Variants in LNPEP observed in about 807,000 individuals in gnomAD.
The protein encoded by LNPEP is leucyl-cystinyl aminopeptidase.
LNPEP carries 64 observed loss-of-function variants against 120.6 expected under a neutral mutation model. The ratio of observed to expected loss-of-function variants is 0.53; its 90% confidence interval spans 0.43 to 0.65. The LOEUF is 0.65. Ranked by LOEUF, LNPEP falls within the 30% of genes least tolerant of loss-of-function variation. The pLI is 0.00. For synonymous variants in LNPEP, 435 were observed against 425.4 expected (o/e 1.02, Z -0.28); for missense variants, 1,057 against 1,200.0 (o/e 0.88, Z 1.76).
chr5:97,011,417 A>C (rs1790924773), intron 11 of LNPEP, among the ~76,000 whole-genome samples: 1 of 152,084 alleles, frequency 6.6e-6, no homozygotes, highest in Non-Finnish European at 1.5e-5. Flanking sequence ...TTTTGTAAAG[A>C]TGATGTCTCA....
At chr5:96,949,766 G>C (rs144873793) in intron 1 of LNPEP, among the ~76,000 whole-genome samples, 3 of 152,164 alleles carry the variant, frequency 2.0e-5, no homozygotes, top group Non-Finnish European at 2.9e-5. Context: ...AATGGTTGGC[G>C]TCTAACATAG....
chr5:96,974,388 C>T (rs1348485328), intron 1 of LNPEP, among the ~76,000 whole-genome samples: 1 of 152,096 alleles, frequency 6.6e-6, no homozygotes, highest in Non-Finnish European at 1.5e-5. Flanking sequence ...AGGGAGAGCA[C>T]CTAGCTCCCA....
intron 1 of LNPEP, among the ~76,000 whole-genome samples, chr5:96,959,370 C>A (rs573243090): frequency 6.6e-6 from 1 of 152,118 alleles, no homozygotes; most frequent in South Asian, 2.1e-4. Flanking sequence ...TGATTTTACT[C>A]TGAAATTTTA....
intron 12 of LNPEP, among the ~76,000 whole-genome samples, chr5:97,014,489 G>A (rs1225209002): frequency 2.6e-5 from 4 of 151,788 alleles, no homozygotes; most frequent in Non-Finnish European, 5.9e-5. Context: ...TGTACTCACT[G>A]TAAATTCACA....
chr5:96,976,342 AT>A (rs1317923450), intron 1 of LNPEP, among the ~76,000 whole-genome samples: 1 of 152,202 alleles, frequency 6.6e-6, no homozygotes, highest in African/African-American at 2.4e-5. Context: ...CGTTGGTATT[AT>A]TCTGACTGGG....
At chr5:97,015,184 G>C in intron 13 of LNPEP, 89 bp downstream of exon 13, 1 of 819,430 alleles carries the variant, frequency 1.2e-6, no homozygotes, top group Non-Finnish European at 1.8e-6. Context: ...GGCTGAAAAA[G>C]CAACCAGTTA....
chr5:96,969,483 G>C (rs913720151), intron 1 of LNPEP, among the ~76,000 whole-genome samples: 2 of 152,036 alleles, frequency 1.3e-5, no homozygotes, highest in Non-Finnish European at 2.9e-5. Flanking sequence ...ATGTAAGACG[G>C]CTGGGCTTGT....
intron 13 of LNPEP, among the ~76,000 whole-genome samples, chr5:97,016,422 T>A (rs1791072535): frequency 6.6e-6 from 1 of 152,150 alleles, no homozygotes; most frequent in African/African-American, 2.4e-5. Context: ...CCAAGGTAGA[T>A]ATTTCTACCC....
chr5:96,976,949 G>A (rs1348142315), intron 1 of LNPEP, among the ~76,000 whole-genome samples: 5 of 150,528 alleles, frequency 3.3e-5, no homozygotes, highest in African/African-American at 1.2e-4. Context: ...ACAAGAAATT[G>A]GGGCACTATA....
intron 1 of LNPEP, among the ~76,000 whole-genome samples, chr5:96,944,878 A>C (rs1443202082): frequency 6.6e-6 from 1 of 152,020 alleles, no homozygotes. Context: ...CCACATTCAA[A>C]GATTTTCTGA....
intron 9 of LNPEP, among the ~76,000 whole-genome samples, chr5:97,004,426 C>A (rs2112643665): frequency 6.6e-6 from 1 of 151,310 alleles, no homozygotes; most frequent in Non-Finnish European, 1.5e-5. Flanking sequence ...GCAGGAGAAT[C>A]ATTTGAATCT....
chr5:96,956,119 A>G (rs1321629525), intron 1 of LNPEP, among the ~76,000 whole-genome samples: 3 of 152,194 alleles, frequency 2.0e-5, no homozygotes, highest in Non-Finnish European at 4.4e-5. Context: ...TCTTTTGCCC[A>G]TTCCTTTACA....
chr5:97,007,267 A>AG (rs534066669), intron 11 of LNPEP, among the ~76,000 whole-genome samples: 70 of 152,236 alleles, frequency 4.6e-4, no homozygotes, highest in African/African-American at 1.7e-3. Flanking sequence ...TATATTTTTG[A>AG]GGGGTGAGTG....
rs149640966 is a variant in LNPEP at position 96,999,299 on chromosome 5, T to G, written c.1653+1154T>G. 3.2e-3 allele frequency among the ~76,000 whole-genome samples: 489 copies of G among 151,626 alleles called. 2 individuals are homozygous for G. The highest frequency in any genetic ancestry group is 0.012 in the African/African-American group (484 of 41,284). On this transcript the variant is annotated intron_variant, in intron 8 of 17. Transcript: ENST00000231368. The stretch of plus-strand genomic sequence containing the variant: ...AATGGTAAAAGTTTGAAATGAGGAG[T>G]GCTAGTAAGGGTGGAAAGAAAACAA...
intron 13 of LNPEP, among the ~76,000 whole-genome samples, chr5:97,015,681 G>T (rs1448244558): frequency 6.6e-6 from 1 of 152,076 alleles, no homozygotes; most frequent in Non-Finnish European, 1.5e-5. Flanking sequence ...AAGCTTGGAA[G>T]AGAGTGAAAA....
intron 1 of LNPEP, among the ~76,000 whole-genome samples, chr5:96,948,822 T>C (rs1293832178): frequency 6.6e-6 from 1 of 152,210 alleles, no homozygotes; most frequent in African/African-American, 2.4e-5. Flanking sequence ...ATTTTGGAGA[T>C]CTATTTATAA....
chr5:97,000,449 T>C (rs964723353), intron 8 of LNPEP, among the ~76,000 whole-genome samples: 3 of 86,314 alleles, frequency 3.5e-5, no homozygotes, highest in African/African-American at 1.5e-4. Context: ...TTTCCCACTA[T>C]TGCATAAGAG....
At chr5:96,938,790 T>C (rs952243656) in intron 1 of LNPEP, among the ~76,000 whole-genome samples, 4 of 152,200 alleles carry the variant, frequency 2.6e-5, no homozygotes, top group African/African-American at 4.8e-5. Context: ...TCAGGATCTA[T>C]TTTTGGCTTT....
chr5:96,999,920 T>A (rs1301082350), intron 8 of LNPEP, among the ~76,000 whole-genome samples: 1 of 152,018 alleles, frequency 6.6e-6, no homozygotes, highest in Non-Finnish European at 1.5e-5. Context: ...TGTTTGGTCT[T>A]TATAATCATC....
Sources: allele counts gnomAD v4.1 joint callset (sites outside exome capture counted in the v4.1 genomes callset), GRCh38; gene constraint gnomAD v4.1.1; transcripts MANE v1.5; gene names NCBI Gene and HGNC (gene_info 2026-07-23, HGNC 2026-07-21).